Variants in SH3GL3 observed in about 807,000 individuals in gnomAD.
SH3GL3 encodes endophilin-A3.
Under a neutral mutation model 47.7 loss-of-function variants are expected in SH3GL3, and 33 were observed. That is an observed-to-expected ratio of 0.69 (90% CI 0.52 to 0.92). The LOEUF (loss-of-function observed/expected upper bound fraction) is 0.92. SH3GL3 is among the 40% of genes least tolerant of loss of function. SH3GL3 has a pLI of 0.00. For synonymous variants in SH3GL3, 155 were observed against 148.8 expected (o/e 1.04, Z -0.30); for missense variants, 363 against 417.8 (o/e 0.87, Z 1.14).
At chr15:83,559,138 C>CA (rs2045116595) in intron 1 of SH3GL3, 115 bp from the exon 2 acceptor site, 2 of 653,498 alleles carry the variant, frequency 3.1e-6, no homozygotes, top group Non-Finnish European at 5.4e-6. Flanking sequence ...GGAGTTAGTT[C>CA]AAAAAATCCA....
At chr15:83,567,240 A>T (rs759187314) in intron 3 of SH3GL3, among the ~76,000 whole-genome samples, 21 of 152,170 alleles carry the variant, frequency 1.4e-4, no homozygotes, top group Non-Finnish European at 2.5e-4. Flanking sequence ...TCCCTCTTCT[A>T]CACGTTACTG....
rs549836470 is a variant in SH3GL3, at chr15:83,544,804, A to G, written c.46-14449A>G. ...TTTTTGTAGGATACAATATTCCAGG[A>G]TAAAATCTTTTTCCTTCAGCTCTTT... On this transcript the variant is annotated intron_variant, in intron 1 of 8. Coordinates refer to ENST00000427482, the MANE Select transcript of SH3GL3 (RefSeq NM_003027.5). 2.0e-5 allele frequency among the ~76,000 whole-genome samples: 3 copies of G among 152,252 alleles called. No individual in the cohort carries two copies. The South Asian group carries it at 6.2e-4, about 32-fold the overall frequency.
intron 1 of SH3GL3, among the ~76,000 whole-genome samples, chr15:83,450,572 A>T (rs1167391522): frequency 6.6e-6 from 1 of 152,116 alleles, no homozygotes; most frequent in Non-Finnish European, 1.5e-5. Context: ...CCTGGGGATT[A>T]TGCATCATTT....
the SH3GL3 span, among the ~76,000 whole-genome samples, chr15:83,630,373 A>C: frequency 6.6e-6 from 1 of 152,218 alleles, no homozygotes; most frequent in African/African-American, 2.4e-5. Flanking sequence ...CCTCTAAAGA[A>C]AGATACATTA....
At chr15:83,507,662 G>T (rs1029340319) in intron 1 of SH3GL3, among the ~76,000 whole-genome samples, 3 of 151,644 alleles carry the variant, frequency 2.0e-5, no homozygotes, top group Non-Finnish European at 4.4e-5. Flanking sequence ...TGATCTGCCT[G>T]CCCTGGCTTC....
chr15:83,530,707 A>T (rs1437428795), intron 1 of SH3GL3, among the ~76,000 whole-genome samples: 2 of 151,950 alleles, frequency 1.3e-5, no homozygotes, highest in Non-Finnish European at 2.9e-5. Flanking sequence ...CAAAATTTTC[A>T]GTCATTAATT....
At chr15:83,517,770 CA>C (rs1028077871) in intron 1 of SH3GL3, among the ~76,000 whole-genome samples, 4 of 152,038 alleles carry the variant, frequency 2.6e-5, no homozygotes, top group South Asian at 2.1e-4. Flanking sequence ...AATTTAGATT[CA>C]GGGGGTACAT....
the SH3GL3 span, among the ~76,000 whole-genome samples, chr15:83,624,321 G>C: frequency 6.6e-6 from 1 of 152,050 alleles, no homozygotes; most frequent in Non-Finnish European, 1.5e-5. Context: ...CTCCCCCTAC[G>C]GCACCGAGCA....
intron 8 of SH3GL3, among the ~76,000 whole-genome samples, chr15:83,602,292 A>G (rs2060406482): frequency 6.6e-6 from 1 of 152,222 alleles, no homozygotes; most frequent in East Asian, 1.9e-4. Context: ...GGCAGCTGCT[A>G]TCCAGTTGTA....
chr15:83,496,926 C>G (rs1359009720), intron 1 of SH3GL3, among the ~76,000 whole-genome samples: 1 of 152,074 alleles, frequency 6.6e-6, no homozygotes, highest in African/African-American at 2.4e-5. Flanking sequence ...CTTAGGACTT[C>G]TCTTCCTTTC....
intron 1 of SH3GL3, among the ~76,000 whole-genome samples, chr15:83,540,550 A>G (rs982209503): frequency 6.6e-6 from 1 of 152,148 alleles, no homozygotes; most frequent in Admixed American, 6.5e-5. Context: ...TGTTTTCTGT[A>G]TAAAAGTCTA....
chr15:83,551,000 G>A (rs2097264413), intron 1 of SH3GL3, among the ~76,000 whole-genome samples: 1 of 152,066 alleles, frequency 6.6e-6, no homozygotes, highest in African/African-American at 2.4e-5. Context: ...AGATGGAGAC[G>A]CCAAGGTTTC....
At chr15:83,474,238 TA>T (rs1184558865) in intron 1 of SH3GL3, among the ~76,000 whole-genome samples, 3 of 152,100 alleles carry the variant, frequency 2.0e-5, no homozygotes, top group Non-Finnish European at 2.9e-5. Flanking sequence ...TGGCACATAG[TA>T]GTTGTGTAGT....
intron 1 of SH3GL3, among the ~76,000 whole-genome samples, chr15:83,497,202 A>G (rs1056551129): frequency 2.0e-5 from 3 of 152,202 alleles, no homozygotes; most frequent in African/African-American, 7.2e-5. Flanking sequence ...ACTCTTTGTC[A>G]TGGCTCTTGA....
chr15:83,528,304 G>A (rs1042248365), intron 1 of SH3GL3, among the ~76,000 whole-genome samples: 1 of 152,046 alleles, frequency 6.6e-6, no homozygotes, highest in African/African-American at 2.4e-5. Flanking sequence ...ATCTATTTGG[G>A]GATCTCTGAG....
intron 1 of SH3GL3, among the ~76,000 whole-genome samples, chr15:83,509,084 A>G (rs1300832978): frequency 6.6e-6 from 1 of 152,220 alleles, no homozygotes; most frequent in Non-Finnish European, 1.5e-5. Flanking sequence ...GCATTAAGAA[A>G]CTACACATTT....
At chr15:83,524,748 G>A (rs2130988) in intron 1 of SH3GL3, among the ~76,000 whole-genome samples, 30,024 of 151,730 alleles carry the variant, frequency 0.2, 3,248 homozygotes, top group South Asian at 0.31. Context: ...TCCCAAATAT[G>A]AGTGAGAATA....
intron 1 of SH3GL3, among the ~76,000 whole-genome samples, chr15:83,507,145 A>G (rs2042544419): frequency 6.6e-6 from 1 of 151,608 alleles, no homozygotes; most frequent in South Asian, 2.1e-4. Flanking sequence ...AGCTGGGACT[A>G]CAGGCGCCCA....
intron 1 of SH3GL3, among the ~76,000 whole-genome samples, chr15:83,463,767 C>CTTTTTT (rs910419812): frequency 5.0e-4 from 61 of 122,906 alleles, no homozygotes; most frequent in East Asian, 9.7e-4. Context: ...TTCTTTCTTT[C>CTTTTTT]TTTTTTTTTT....
Sources: allele counts gnomAD v4.1 joint callset (sites outside exome capture counted in the v4.1 genomes callset), GRCh38; gene constraint gnomAD v4.1.1; transcripts MANE v1.5; gene names NCBI Gene and HGNC (gene_info 2026-07-23, HGNC 2026-07-21).